Variants in MFSD6 observed in about 807,000 individuals in gnomAD.
The protein encoded by MFSD6 is major facilitator superfamily domain containing 6.
In MFSD6, 26 loss-of-function variants were observed where a neutral mutation model predicts 56.3. The observed-to-expected ratio is 0.46, with a 90% CI of 0.34 to 0.64. MFSD6 has a LOEUF of 0.64. Among genes scored for constraint, MFSD6 ranks in the 30% least tolerant of loss-of-function variants. The probability of loss-of-function intolerance (pLI) is 0.01; values close to 1 mark genes in which losing one functional copy is unlikely to be tolerated. For synonymous variants in MFSD6, 331 were observed against 366.9 expected (o/e 0.90, Z 1.12); for missense variants, 750 against 986.2 (o/e 0.76, Z 3.21).
rs1439877923 is a variant in MFSD6, at chr2:190,491,500, C to G, written c.1891+1634C>G. ...CATCACAGGACTCTATGCAGACAAC[C>G]CCAGTACCAGCCTGGAGCCTGGTAG... On this transcript the variant is annotated intron_variant, in intron 6 of 7. Coordinates refer to ENST00000392328, the MANE Select transcript of MFSD6 (RefSeq NM_017694.4). The surrounding 1 kb of genome is among the most constrained non-coding windows in gnomAD (Gnocchi z 4.2). Among the ~76,000 whole-genome samples, 3 of 152,166 alleles carry G rather than the reference C, an allele frequency of 2.0e-5. No individual in the cohort carries two copies. In the East Asian group the frequency reaches 5.8e-4, roughly 29 times the overall value.
Position 190,423,311 on chromosome 2 carries a change from C to T in MFSD6, c.-54+7898C>T, listed in dbSNP as rs1363400884. Among the ~76,000 whole-genome samples the T allele has an allele frequency of 6.6e-6, 1 of 152,190 alleles. No individual in the cohort carries two copies. Among genetic ancestry groups the T allele is most frequent in the African/African-American group, 2.4e-5 (1 of 41,430 alleles). ...CCTGTCCCCACTCTCTAGTGAATTC[C>T]TGGCAATCACCTGTCTATCTCTATT... On this transcript the variant is annotated intron_variant, in intron 2 of 7. Coordinates refer to ENST00000392328, the MANE Select transcript of MFSD6 (RefSeq NM_017694.4). The surrounding 1 kb of genome is among the most constrained non-coding windows in gnomAD (Gnocchi z 4.3).
rs1343448804 is a variant in MFSD6, at chr2:190,502,072, T to C, written c.*1854T>C. 6.6e-6 allele frequency: 1 copy of C among 152,640 alleles called. No individual in the cohort carries two copies. The highest frequency in any genetic ancestry group is 1.5e-5 in the Non-Finnish European group (1 of 68,038). 9.5% of individuals were successfully genotyped at this position (152,640 alleles called of 1,614,324 possible). ...ATGTTGAAATAAAAATGAATACCAT[T>C]TTTAAATGTTTCTTAAATGATAAAG... is the stretch of plus-strand genomic sequence containing the variant. On this transcript the variant is annotated 3_prime_UTR_variant, in exon 8 of 8. Transcript: ENST00000392328. The surrounding 1 kb of genome is among the most constrained non-coding windows in gnomAD (Gnocchi z 4.4).
At chr2:190,464,639 C>T (rs577991344) in intron 3 of MFSD6, among the ~76,000 whole-genome samples, 2 of 152,284 alleles carry the variant, frequency 1.3e-5, no homozygotes, top group South Asian at 4.2e-4. Context: ...TTTGGCCAAC[C>T]ACTTCTAACT....
rs1311638557 is a variant in MFSD6 at position 190,471,848 on chromosome 2, GC to G, written c.1630+1994del. 6.6e-6 allele frequency among the ~76,000 whole-genome samples: 1 copy of G among 152,160 alleles called. No individual in the cohort carries two copies. The highest frequency in any genetic ancestry group is 1.5e-5 in the Non-Finnish European group (1 of 68,024). On this transcript the variant is annotated intron_variant, in intron 4 of 7. Coordinates refer to ENST00000392328, the MANE Select transcript of MFSD6 (RefSeq NM_017694.4). The surrounding 1 kb of genome is among the most constrained non-coding windows in gnomAD (Gnocchi z 4.7). ...AACTGGGAGGCACCCCCCAGTAGGG[GC>G]AGACTGATAACTCATACGGCCGGGT...
rs752360256 is a variant in MFSD6, at chr2:190,443,891, C to T, written c.1532+6330C>T. Reference sequence around the variant, plus strand: ...GCAACATGGTGAGACCTTGTCTCTACAAAAAATAACATTAGCTGGGCATGG... The same window carrying T: ...GCAACATGGTGAGACCTTGTCTCTATAAAAAATAACATTAGCTGGGCATGG... On this transcript the variant is annotated intron_variant, in intron 3 of 7. Coordinates refer to ENST00000392328, the MANE Select transcript of MFSD6 (RefSeq NM_017694.4). The surrounding 1 kb of genome is among the most constrained non-coding windows in gnomAD (Gnocchi z 4.2). Among the ~76,000 whole-genome samples, 2 of 151,970 alleles carry T rather than the reference C, an allele frequency of 1.3e-5. No homozygotes were observed. The highest frequency in any genetic ancestry group is 2.9e-5 in the Non-Finnish European group (2 of 67,990).
In MFSD6 at chr2:190,418,086, C is replaced by A. The variant is rs1341018573; in HGVS notation, c.-54+2673C>A. Among the ~76,000 whole-genome samples the A allele has an allele frequency of 6.6e-6, 1 of 151,754 alleles. No homozygotes were observed. Among genetic ancestry groups the A allele is most frequent in the Non-Finnish European group, 1.5e-5 (1 of 67,966 alleles). ...AGGCCTAAGACCTAACTTTTGGGAT[C>A]CCTGTCTCATAGCTGCACAGTGCAT... On this transcript the variant is annotated intron_variant, in intron 2 of 7. Transcript: ENST00000392328. The surrounding 1 kb of genome is among the most constrained non-coding windows in gnomAD (Gnocchi z 4.1).
intron 3 of MFSD6, chr2:190,464,943 G>A: frequency 1.0e-6 from 1 of 980,716 alleles, no homozygotes; most frequent in Non-Finnish European, 1.2e-6. Context: ...CCATATTATA[G>A]TTGGTTAAAT....
rs1408139516 is a variant in MFSD6, at chr2:190,457,104, A to G, written c.1533-12654A>G. Among the ~76,000 whole-genome samples, 9 of 152,142 alleles carry G rather than the reference A, an allele frequency of 5.9e-5. No homozygotes were observed. Among genetic ancestry groups the G allele is most frequent in the Non-Finnish European group, 1.0e-4 (7 of 68,024 alleles). ...GTTTCTTATGGTCCAATCCAGAGGT[A>G]TTTCCTCAAGCCCTTGTCTAGGTTT... is the stretch of plus-strand genomic sequence containing the variant. On this transcript the variant is annotated intron_variant, in intron 3 of 7. Coordinates refer to ENST00000392328, the MANE Select transcript of MFSD6 (RefSeq NM_017694.4). The surrounding 1 kb of genome is among the most constrained non-coding windows in gnomAD (Gnocchi z 5.1).
chr2:190,483,671 C>T (rs1412399273), intron 4 of MFSD6, among the ~76,000 whole-genome samples: 1 of 151,898 alleles, frequency 6.6e-6, no homozygotes, highest in African/African-American at 2.4e-5. Context: ...CCTGTCTCTA[C>T]TAAGGGTACG....
Position 190,451,642 on chromosome 2 carries a change from G to A in MFSD6, c.1532+14081G>A, listed in dbSNP as rs1686778068. ...GCAATTGTTTCAGCTCGGTTAGGCT[G>A]GGAGACTTTCCCTGAGGAAGTGGCA... On this transcript the variant is annotated intron_variant, in intron 3 of 7. Coordinates refer to ENST00000392328, the MANE Select transcript of MFSD6 (RefSeq NM_017694.4). The surrounding 1 kb of genome is among the most constrained non-coding windows in gnomAD (Gnocchi z 5.0). Among the ~76,000 whole-genome samples, 1 of 152,204 alleles carries A rather than the reference G, an allele frequency of 6.6e-6. No homozygotes were observed. The highest frequency in any genetic ancestry group is 6.5e-5 in the Admixed American group (1 of 15,278).
rs1687337649 is a variant in MFSD6, at chr2:190,461,692, CTT to C, written c.1533-8063_1533-8062del. On this transcript the variant is annotated intron_variant, in intron 3 of 7. Transcript: ENST00000392328. This position sits in a 1 kb window ranked among gnomAD's most constrained non-coding sequence, Gnocchi z 5.5. ...AGGGGGAAACAGCTCCCTCACACCT[CTT>C]TTACCCACTCATGAGGGCTCCACTC... Among the ~76,000 whole-genome samples, 2 of 152,280 alleles carry C rather than the reference CTT, an allele frequency of 1.3e-5. No individual in the cohort carries two copies. The highest frequency in any genetic ancestry group is 2.4e-5 in the African/African-American group (1 of 41,560).
At chr2:190,483,851 AAAAAAGTT>A (rs1426466458) in intron 4 of MFSD6, among the ~76,000 whole-genome samples, 24 of 152,102 alleles carry the variant, frequency 1.6e-4, no homozygotes, top group African/African-American at 5.3e-4. Context: ...AAAAAAAAAA[AAAAAAGTT>A]AACGAAAACA....
chr2:190,435,330 G>T (rs1346520004), intron 2 of MFSD6: 1 of 152,246 alleles, frequency 6.6e-6, no homozygotes, highest in African/African-American at 2.4e-5. Flanking sequence ...TGCTAAATAA[G>T]TATTATCTGC....
rs1376678250 is a variant in MFSD6, at chr2:190,413,354, G to A, written c.-175-1938G>A. ...CAGACCCTTAAAAAACCATGTTCAA[G>A]AGATGTGGAAAAAAATTGAATTAAG... On this transcript the variant is annotated intron_variant, in intron 1 of 7. Coordinates refer to ENST00000392328, the MANE Select transcript of MFSD6 (RefSeq NM_017694.4). The surrounding 1 kb of genome is among the most constrained non-coding windows in gnomAD (Gnocchi z 4.1). Among the ~76,000 whole-genome samples, 1 of 152,108 alleles carries A rather than the reference G, an allele frequency of 6.6e-6. No homozygotes were observed. Among genetic ancestry groups the A allele is most frequent in the African/African-American group, 2.4e-5 (1 of 41,404 alleles).
rs528703396 is a variant in MFSD6 at position 190,500,359 on chromosome 2, G to A, written c.*141G>A. ...TCTAAATATCTAAACTCATTAACAT[G>A]GAAACACACACACAGGAGCTACAGT... On this transcript the variant is annotated 3_prime_UTR_variant, in exon 8 of 8. Transcript: ENST00000392328. The surrounding 1 kb of genome is among the most constrained non-coding windows in gnomAD (Gnocchi z 5.3). The A allele has an allele frequency of 3.6e-6, 3 of 824,634 alleles. No homozygotes were observed. The highest frequency in any genetic ancestry group is 2.7e-5 in the East Asian group (1 of 37,324). 51.1% of individuals were successfully genotyped at this position (824,634 alleles called of 1,614,324 possible).
rs867821407 is a variant in MFSD6 at position 190,487,768 on chromosome 2, T to C, written c.1631-889T>C. ...AAGTTCTGGCAAGGAGGTGGAGAAA[T>C]TGGATCTCTCATACAGTTCAGGTGG... is the stretch of plus-strand genomic sequence containing the variant. On this transcript the variant is annotated intron_variant, in intron 4 of 7. Transcript: ENST00000392328. The surrounding 1 kb of genome is among the most constrained non-coding windows in gnomAD (Gnocchi z 5.5). Among the ~76,000 whole-genome samples, 6 of 152,186 alleles carry C rather than the reference T, an allele frequency of 3.9e-5. No individual in the cohort carries two copies. The highest frequency in any genetic ancestry group is 1.9e-4 in the East Asian group (1 of 5,192).
rs762035978 is a variant in MFSD6 at position 190,469,746 on chromosome 2, AT to A, written c.1533-3del. On this transcript the variant is annotated splice_polypyrimidine_tract_variant and intron_variant, in intron 3 of 7. Coordinates refer to ENST00000392328, the MANE Select transcript of MFSD6 (RefSeq NM_017694.4). The surrounding 1 kb of genome is among the most constrained non-coding windows in gnomAD (Gnocchi z 5.3). ...TTTTTTTATTTTATTTTTATTTTTTATTTTTTTTTAGGGTTCTGTACATTGG... is the reference window on the plus strand; with the variant it reads ...TTTTTTTATTTTATTTTTATTTTTTATTTTTTTTAGGGTTCTGTACATTGG... The A allele has an allele frequency of 3.6e-5, 49 of 1,364,498 alleles. No individual in the cohort carries two copies. Among genetic ancestry groups the A allele is most frequent in the South Asian group, 1.4e-4 (8 of 57,494 alleles). 84.5% of individuals were successfully genotyped at this position (1,364,498 alleles called of 1,614,324 possible).
intron 1 of MFSD6, 28 bp downstream of exon 1, chr2:190,408,531 G>C (rs1178863472): frequency 6.6e-6 from 1 of 151,738 alleles, no homozygotes; most frequent in African/African-American, 2.4e-5. Context: ...TGCGGAGAAG[G>C]GGCTCGCAGA....
At chr2:190,483,835 CAAAA>C (rs34089229) in intron 4 of MFSD6, among the ~76,000 whole-genome samples, 23 of 86,658 alleles carry the variant, frequency 2.7e-4, no homozygotes, top group South Asian at 8.9e-4. Context: ...AACTCATTTT[CAAAA>C]AAAAAAAAAA....
Sources: allele counts gnomAD v4.1 joint callset (sites outside exome capture counted in the v4.1 genomes callset), GRCh38; gene constraint gnomAD v4.1.1; non-coding constraint Gnocchi (gnomAD v3.1); transcripts MANE v1.5; gene names NCBI Gene and HGNC (gene_info 2026-07-23, HGNC 2026-07-21).